Variants in RGS7 observed in about 807,000 individuals in gnomAD.
RGS7 encodes the protein regulator of G-protein signaling 7.
In RGS7, 27 loss-of-function variants were observed where a neutral mutation model predicts 81.1. The ratio of observed to expected loss-of-function variants is 0.33; its 90% CI spans 0.25 to 0.46. The LOEUF is 0.46. RGS7 is among the 20% of genes least tolerant of loss of function. The pLI is 1.00. For synonymous variants in RGS7, 208 were observed against 207.7 expected (o/e 1.00, Z -0.01); for missense variants, 396 against 607.4 (o/e 0.65, Z 3.66).
chr1:240,841,272 G>C (rs1301222165), intron 9 of RGS7, among the ~76,000 whole-genome samples: 2 of 152,192 alleles, frequency 1.3e-5, no homozygotes, highest in Non-Finnish European at 2.9e-5. Context: ...GATGAGAATA[G>C]AGCAGGCCTC....
chr1:241,314,133 G>A (rs906250545), intron 2 of RGS7, among the ~76,000 whole-genome samples: 10 of 152,236 alleles, frequency 6.6e-5, no homozygotes, highest in African/African-American at 1.7e-4. Flanking sequence ...TTAATAAAGC[G>A]TAGTAGGGCC....
intron 6 of RGS7, among the ~76,000 whole-genome samples, chr1:240,887,718 A>T (rs1341804380): frequency 6.6e-6 from 1 of 152,128 alleles, no homozygotes; most frequent in East Asian, 1.9e-4. Flanking sequence ...ATATTTTTTT[A>T]AATTATCTCA....
At chr1:240,834,402 AC>A (rs1217950658) in intron 9 of RGS7, among the ~76,000 whole-genome samples, 2 of 152,232 alleles carry the variant, frequency 1.3e-5, no homozygotes, top group African/African-American at 2.4e-5. Flanking sequence ...ACAGAATCAT[AC>A]GAAGTCAGCC....
intron 2 of RGS7, among the ~76,000 whole-genome samples, chr1:241,339,693 T>C (rs1449368728): frequency 6.6e-6 from 1 of 152,210 alleles, no homozygotes; most frequent in East Asian, 1.9e-4. Context: ...GATTGCATTC[T>C]GGCCTGCAAG....
intron 4 of RGS7, among the ~76,000 whole-genome samples, chr1:240,955,182 T>C (rs558442669): frequency 6.7e-4 from 102 of 152,252 alleles, no homozygotes; most frequent in Non-Finnish European, 1.2e-3. Flanking sequence ...AAAGATTCAA[T>C]GCTATACCAG....
At chr1:241,309,423 T>C (rs1366566454) in intron 2 of RGS7, among the ~76,000 whole-genome samples, 1 of 113,434 alleles carries the variant, frequency 8.8e-6, no homozygotes, top group Non-Finnish European at 1.9e-5. Flanking sequence ...AAAAAGAAAA[T>C]GACAAGAATA....
At chr1:240,875,403 T>C (rs1665226573) in intron 6 of RGS7, among the ~76,000 whole-genome samples, 1 of 152,242 alleles carries the variant, frequency 6.6e-6, no homozygotes, top group South Asian at 2.1e-4. Flanking sequence ...ATTGTGTATC[T>C]ATCCCACATT....
intron 2 of RGS7, among the ~76,000 whole-genome samples, chr1:241,309,386 CAA>C (rs71571833): frequency 1.2e-4 from 10 of 85,270 alleles, no homozygotes; most frequent in Non-Finnish European, 1.3e-4. Context: ...AACTCCAACT[CAA>C]AAAAAAAAAA....
chr1:240,826,707 C>A (rs1692895766), intron 10 of RGS7, among the ~76,000 whole-genome samples: 1 of 152,142 alleles, frequency 6.6e-6, no homozygotes, highest in African/African-American at 2.4e-5. Context: ...ATAACAAACA[C>A]TGAAATACAA....
chr1:241,170,751 G>A (rs1234940781), intron 2 of RGS7, among the ~76,000 whole-genome samples: 1 of 152,112 alleles, frequency 6.6e-6, no homozygotes, highest in Non-Finnish European at 1.5e-5. Flanking sequence ...CTCTATTTTT[G>A]TAGCACAAAC....
At chr1:241,327,541 TATA>T (rs2081675140) in intron 2 of RGS7, among the ~76,000 whole-genome samples, 1 of 152,146 alleles carries the variant, frequency 6.6e-6, no homozygotes, top group South Asian at 2.1e-4. Flanking sequence ...GTGTCATTAT[TATA>T]ATGACAGAAG....
At chr1:241,192,013 C>T (rs943457462) in intron 2 of RGS7, among the ~76,000 whole-genome samples, 30 of 152,210 alleles carry the variant, frequency 2.0e-4, no homozygotes, top group African/African-American at 6.8e-4. Flanking sequence ...TCAAAGTCTA[C>T]GTTTTCTACT....
intron 2 of RGS7, among the ~76,000 whole-genome samples, chr1:241,124,823 G>A (rs1448532807): frequency 1.3e-5 from 2 of 152,220 alleles, no homozygotes; most frequent in East Asian, 3.9e-4. Flanking sequence ...GTAGTGATAG[G>A]ACACTGTAGG....
intron 6 of RGS7, among the ~76,000 whole-genome samples, chr1:240,907,683 C>T (rs1671044074): frequency 6.6e-6 from 1 of 152,096 alleles, no homozygotes; most frequent in Non-Finnish European, 1.5e-5. Flanking sequence ...TCTAAACATC[C>T]CACGTTGAGA....
chr1:240,928,338 T>C (rs1038214797), intron 6 of RGS7, among the ~76,000 whole-genome samples: 1 of 152,188 alleles, frequency 6.6e-6, no homozygotes, highest in Non-Finnish European at 1.5e-5. Flanking sequence ...CTGTATTTGG[T>C]GGACACTTCG....
intron 2 of RGS7, among the ~76,000 whole-genome samples, chr1:241,247,447 C>T (rs2076602716): frequency 6.6e-6 from 1 of 152,120 alleles, no homozygotes; most frequent in South Asian, 2.1e-4. Context: ...GTATTTCTTG[C>T]AAGGTGGAGA....
intron 18 of RGS7, among the ~76,000 whole-genome samples, chr1:240,785,278 C>A (rs980152397): frequency 6.6e-6 from 1 of 152,280 alleles, no homozygotes; most frequent in South Asian, 2.1e-4. Context: ...CTGCTCTCTC[C>A]GCTGGTCACC....
intron 6 of RGS7, chr1:240,919,703 A>G: frequency 1.7e-6 from 1 of 599,910 alleles, no homozygotes; most frequent in African/African-American, 1.8e-5. Flanking sequence ...GAAGCTCTTC[A>G]TTGGAGGGCT....
intron 3 of RGS7, among the ~76,000 whole-genome samples, chr1:240,992,850 A>C (rs75566618): frequency 1.4e-5 from 2 of 147,930 alleles, no homozygotes; most frequent in African/African-American, 2.5e-5. Flanking sequence ...TAAAAATACA[A>C]AAAAAAAAAA....
Sources: gnomAD v4.1 joint callset for allele counts (sites outside exome capture counted in the v4.1 genomes callset) on GRCh38, gnomAD v4.1.1 for gene constraint, MANE v1.5 for transcripts, NCBI Gene and HGNC (gene_info 2026-07-23, HGNC 2026-07-21) for gene names.